The following SLC25A25 variants were observed in gnomAD, a reference collection of about 807,000 sequenced individuals.
SLC25A25 encodes the protein mitochondrial adenyl nucleotide antiporter SLC25A25.
Under a neutral mutation model 57.7 loss-of-function variants are expected in SLC25A25, and 32 were observed. The observed-to-expected ratio is 0.55, with a 90% confidence interval of 0.42 to 0.74. The LOEUF (loss-of-function observed/expected upper bound fraction) is 0.74. Among genes scored for constraint, SLC25A25 ranks in the 30% least tolerant of loss-of-function variants. The probability of loss-of-function intolerance (pLI) is 0.00; values close to 1 mark genes in which losing one functional copy is unlikely to be tolerated. For synonymous variants in SLC25A25, 306 were observed against 291.2 expected (o/e 1.05, Z -0.52); for missense variants, 556 against 701.3 (o/e 0.79, Z 2.34).
chr9:128,101,659 T>C lies in SLC25A25; in HGVS notation c.476+263T>C, dbSNP rs1055257793. Among the ~76,000 whole-genome samples, 9 of 126,458 alleles carry C rather than the reference T, an allele frequency of 7.1e-5. No homozygotes were observed. The highest frequency in any genetic ancestry group is 2.5e-4 in the African/African-American group (8 of 32,010). The allele number at this position is 126,458 out of a possible 152,430, so 83.0% of individuals were successfully genotyped here. Reference sequence around the variant, plus strand: ...AAAACTAATTTGGGGGTGGTTCAAATAGGTAAAAGGCCAGCAAGGAGCACC... The same window carrying C: ...AAAACTAATTTGGGGGTGGTTCAAACAGGTAAAAGGCCAGCAAGGAGCACC... On this transcript the variant is annotated intron_variant, in intron 3 of 10. Coordinates refer to ENST00000373069, the MANE Select transcript of SLC25A25 (RefSeq NM_001330988.2). The surrounding 1 kb of genome is among the most constrained non-coding windows in gnomAD (Gnocchi z 4.9).
Position 128,101,504 on chromosome 9 carries a change from C to G in SLC25A25, c.476+108C>G, listed in dbSNP as rs954116568. On this transcript the variant is annotated intron_variant, in intron 3 of 10. Transcript: ENST00000373069. This position sits in a 1 kb window ranked among gnomAD's most constrained non-coding sequence, Gnocchi z 4.9. ...GGGCTGACCCTGAACTTGGCCTTCTCGTGGTTTGAAAGGATGAATAAGTAA... is the reference window on the plus strand; with the variant it reads ...GGGCTGACCCTGAACTTGGCCTTCTGGTGGTTTGAAAGGATGAATAAGTAA... 4 of 1,309,126 alleles carry G rather than the reference C, an allele frequency of 3.1e-6. No individual in the cohort carries two copies. The highest frequency in any genetic ancestry group is 2.9e-5 in the African/African-American group (2 of 68,276). The allele number at this position is 1,309,126 out of a possible 1,614,324, so 81.1% of individuals were successfully genotyped here. A position where few individuals can be genotyped will look rare whatever the true frequency, so the allele number is the denominator to read the frequency against.
In SLC25A25 at chr9:128,101,093, T is replaced by C. The variant is rs1564191514; in HGVS notation, c.262-3T>C. On this transcript the variant is annotated splice_region_variant and splice_polypyrimidine_tract_variant and intron_variant, in intron 1 of 10. Coordinates refer to ENST00000373069, the MANE Select transcript of SLC25A25 (RefSeq NM_001330988.2). The surrounding 1 kb of genome is among the most constrained non-coding windows in gnomAD (Gnocchi z 4.9). ...AAGACAAAATGTTACCTTTCTTTTC[T>C]AGAAAATTGTACAAGCTGGAGATAA... 2 of 1,614,156 alleles carry C rather than the reference T, an allele frequency of 1.2e-6. No homozygotes were observed. The highest frequency in any genetic ancestry group is 1.7e-6 in the Non-Finnish European group (2 of 1,180,028).
intron 1 of SLC25A25, among the ~76,000 whole-genome samples, chr9:128,088,986 C>T (rs1833339623): frequency 6.6e-6 from 1 of 152,184 alleles, no homozygotes; most frequent in Admixed American, 6.5e-5. Flanking sequence ...GCCTCCACTT[C>T]CCAGGCTCAG....
At chr9:128,098,933 C>G in intron 1 of SLC25A25, 1 of 985,400 alleles carries the variant, frequency 1.0e-6, no homozygotes, top group Non-Finnish European at 1.2e-6. Context: ...GGCTGGAATT[C>G]CAGCGAAGGC....
rs1206240109 is a variant in SLC25A25, at chr9:128,108,800, C to CCAA, written c.*1357_*1358insAAC. 6.6e-6 allele frequency: 1 copy of CCAA among 152,190 alleles called. No individual in the cohort carries two copies. The highest frequency in any genetic ancestry group is 1.5e-5 in the Non-Finnish European group (1 of 68,046). 9.4% of individuals were successfully genotyped at this position (152,190 alleles called of 1,614,324 possible). On this transcript the variant is annotated 3_prime_UTR_variant, in exon 11 of 11. Coordinates refer to ENST00000373069, the MANE Select transcript of SLC25A25 (RefSeq NM_001330988.2). ...TTTGGCAGGTTGGGGAAGGGCTTGC[C>CCAA]CCCAGCCTTAGGATTTCAGGGTTTG...
At chr9:128,082,607 C>T (rs904307448) in intron 1 of SLC25A25, among the ~76,000 whole-genome samples, 2 of 152,298 alleles carry the variant, frequency 1.3e-5, no homozygotes, top group Middle Eastern at 3.4e-3. Context: ...ATTTTGAAAA[C>T]AGCATATCCC....
intron 1 of SLC25A25, among the ~76,000 whole-genome samples, chr9:128,087,564 G>A (rs536059264): frequency 3.0e-4 from 45 of 152,300 alleles, no homozygotes; most frequent in South Asian, 6.2e-4. Flanking sequence ...CTTGTGCTTA[G>A]GGTTTGTTGA....
At chr9:128,084,568 T>A (rs777900098) in intron 1 of SLC25A25, among the ~76,000 whole-genome samples, 1 of 150,240 alleles carries the variant, frequency 6.7e-6, no homozygotes, top group African/African-American at 2.4e-5. Flanking sequence ...AGCCCCCGCC[T>A]TCAAGTTGTC....
chr9:128,104,951 G>C (rs1833956636), intron 6 of SLC25A25, among the ~76,000 whole-genome samples: 1 of 150,774 alleles, frequency 6.6e-6, no homozygotes, highest in Non-Finnish European at 1.5e-5. Context: ...CCCTCACTGG[G>C]TTCAAGCAAT....
chr9:128,099,459 A>T lies in SLC25A25; in HGVS notation c.262-1637A>T, dbSNP rs1034689080. The T allele has an allele frequency of 8.9e-7, 1 of 1,124,380 alleles. No homozygotes were observed. Among genetic ancestry groups the T allele is most frequent in the African/African-American group, 1.7e-5 (1 of 58,520 alleles). 69.7% of individuals were successfully genotyped at this position (1,124,380 alleles called of 1,614,324 possible). ...GAGGCATGTGGCTCACCCTGGCAGC[A>T]GGCGGCTGGGTCCCAGAGGGCTCCA... On this transcript the variant is annotated intron_variant, in intron 1 of 10. Transcript: ENST00000373069. This position sits in a 1 kb window ranked among gnomAD's most constrained non-coding sequence, Gnocchi z 6.8.
chr9:128,101,046 GA>G lies in SLC25A25; in HGVS notation c.262-47del. The G allele has an allele frequency of 6.2e-7, 1 of 1,611,450 alleles. No individual in the cohort carries two copies. The highest frequency in any genetic ancestry group is 8.5e-7 in the Non-Finnish European group (1 of 1,179,004). ...GGGATGGGGCCCCACAAGGGACAAG[GA>G]AAGGCTGGTCCAGGAGCCAAAAGAC... On this transcript the variant is annotated intron_variant, in intron 1 of 10. Transcript: ENST00000373069. The surrounding 1 kb of genome is among the most constrained non-coding windows in gnomAD (Gnocchi z 4.9).
chr9:128,104,915 G>A (rs931897045), intron 6 of SLC25A25, among the ~76,000 whole-genome samples: 57 of 150,508 alleles, frequency 3.8e-4, no homozygotes, highest in Non-Finnish European at 6.5e-4. Context: ...AGAGTACAGT[G>A]GTATGATCTC....
intron 1 of SLC25A25, among the ~76,000 whole-genome samples, chr9:128,089,120 T>C (rs944021360): frequency 6.6e-6 from 1 of 152,230 alleles, no homozygotes; most frequent in East Asian, 1.9e-4. Flanking sequence ...GGTCTCAAAC[T>C]CTGGGCTCAA....
Position 128,099,078 on chromosome 9 carries a change from A to T in SLC25A25, c.262-2018A>T. ...ATGGGAGGAGAAGGCAGGGAGGCCCAGGAGTTGAGGGTGCTGCGTGGTGGA... is the reference window on the plus strand; with the variant it reads ...ATGGGAGGAGAAGGCAGGGAGGCCCTGGAGTTGAGGGTGCTGCGTGGTGGA... On this transcript the variant is annotated intron_variant, in intron 1 of 10. Transcript: ENST00000373069. The surrounding 1 kb of genome is among the most constrained non-coding windows in gnomAD (Gnocchi z 6.8). 1 of 985,416 alleles carries T rather than the reference A, an allele frequency of 1.0e-6. No individual in the cohort carries two copies. The highest frequency in any genetic ancestry group is 1.2e-6 in the Non-Finnish European group (1 of 829,924). 61.0% of individuals were successfully genotyped at this position (985,416 alleles called of 1,614,324 possible). A position where few individuals can be genotyped will look rare whatever the true frequency, so the allele number is the denominator to read the frequency against.
intron 1 of SLC25A25, among the ~76,000 whole-genome samples, chr9:128,078,253 G>T (rs577751026): frequency 4.5e-4 from 68 of 152,264 alleles, no homozygotes; most frequent in Non-Finnish European, 6.9e-4. Flanking sequence ...TTCACCAAGT[G>T]ACTTCCCCAT....
At chr9:128,072,051 C>T (rs2130781611) in intron 1 of SLC25A25, among the ~76,000 whole-genome samples, 1 of 152,260 alleles carries the variant, frequency 6.6e-6, no homozygotes, top group South Asian at 2.1e-4. Flanking sequence ...GGCTTTTGAA[C>T]AAATTCAGTT....
intron 1 of SLC25A25, among the ~76,000 whole-genome samples, chr9:128,069,358 C>T (rs985845150): frequency 3.9e-5 from 6 of 152,158 alleles, no homozygotes; most frequent in African/African-American, 1.2e-4. Context: ...GTTTCTTTCC[C>T]TTCTGTCTCT....
rs771066566 is a variant in SLC25A25 at position 128,107,019 on chromosome 9, C to T, written c.1213-10C>T. The T allele has an allele frequency of 1.2e-6, 2 of 1,612,642 alleles. No homozygotes were observed. Among genetic ancestry groups the T allele is most frequent in the South Asian group, 1.1e-5 (1 of 90,990 alleles). On this transcript the variant is annotated splice_polypyrimidine_tract_variant and intron_variant, in intron 9 of 10. Transcript: ENST00000373069. ...CCTAGGGCTTATCCCATGCTCCCTTCTCCTTCTAGACGCTCAAGAATGCCT... is the reference window on the plus strand; with the variant it reads ...CCTAGGGCTTATCCCATGCTCCCTTTTCCTTCTAGACGCTCAAGAATGCCT...
At position 128,108,507 on chromosome 9, in the gene SLC25A25, G is replaced by A. The variant is rs1834142275; in HGVS notation, c.*1063G>A. The A allele has an allele frequency of 2.7e-6, 1 of 373,110 alleles. No individual in the cohort carries two copies. The highest frequency in any genetic ancestry group is 4.8e-6 in the Non-Finnish European group (1 of 210,524). The allele number at this position is 373,110 out of a possible 1,614,324, so 23.1% of individuals were successfully genotyped here. On this transcript the variant is annotated 3_prime_UTR_variant, in exon 11 of 11. Coordinates refer to ENST00000373069, the MANE Select transcript of SLC25A25 (RefSeq NM_001330988.2). ...CACATTCCACTTGTGTCACTGCTTG[G>A]AACCTATTTATTTTGTATTTATTTG...
Sources: allele counts gnomAD v4.1 joint callset (sites outside exome capture counted in the v4.1 genomes callset), GRCh38; gene constraint gnomAD v4.1.1; non-coding constraint Gnocchi (gnomAD v3.1); transcripts MANE v1.5; gene names NCBI Gene and HGNC (gene_info 2026-07-23, HGNC 2026-07-21).